ASS1: variants seen among roughly 807,000 people sequenced by gnomAD.
ASS1 encodes argininosuccinate synthase 1.
In ASS1, 58 loss-of-function variants were observed where a neutral mutation model predicts 60.5. The ratio of observed to expected loss-of-function variants is 0.96; its 90% CI spans 0.78 to 1.19. The LOEUF (loss-of-function observed/expected upper bound fraction) is 1.19. Ranked by LOEUF, ASS1 falls within the 50% of genes most tolerant of loss-of-function variation. The probability of loss-of-function intolerance (pLI) is 0.00; values close to 1 mark genes in which losing one functional copy is unlikely to be tolerated. For synonymous variants in ASS1, 200 were observed against 206.9 expected (o/e 0.97, Z 0.29); for missense variants, 454 against 547.3 (o/e 0.83, Z 1.70).
intron 4 of ASS1, among the ~76,000 whole-genome samples, chr9:130,461,363 T>C (rs546636515): frequency 6.8e-6 from 1 of 146,932 alleles, no homozygotes; most frequent in South Asian, 2.2e-4. Context: ...GCCAGAGGCT[T>C]GGGTTTGAGG....
chr9:130,447,933 C>T (rs917673499), intron 1 of ASS1, among the ~76,000 whole-genome samples: 8 of 152,168 alleles, frequency 5.3e-5, no homozygotes, highest in East Asian at 3.9e-4. Context: ...TCCTTACAGT[C>T]GCCCTGTGGG....
intron 7 of ASS1, 104 bp downstream of exon 7, chr9:130,471,008 T>C: frequency 2.2e-6 from 3 of 1,340,896 alleles, no homozygotes; most frequent in Non-Finnish European, 2.1e-6. Flanking sequence ...CAGTGGTCCC[T>C]GCCCTCGGGG....
At chr9:130,474,199 G>A (rs951621664) in intron 8 of ASS1, among the ~76,000 whole-genome samples, 1 of 151,748 alleles carries the variant, frequency 6.6e-6, no homozygotes, top group Non-Finnish European at 1.5e-5. Context: ...GAAGGCAGGC[G>A]CTCGAGCCAC....
rs530711597 is a variant in ASS1 at position 130,476,803 on chromosome 9, G to A, written c.598-68G>A. 336 of 1,426,050 alleles carry A rather than the reference G, an allele frequency of 2.4e-4. No individual in the cohort carries two copies. In the African/African-American group the frequency reaches 3.0e-3, roughly 13 times the overall value. 88.3% of individuals were successfully genotyped at this position (1,426,050 alleles called of 1,614,324 possible). On this transcript the variant is annotated intron_variant, in intron 8 of 14. Transcript: ENST00000352480. The surrounding 1 kb of genome is among the most constrained non-coding windows in gnomAD (Gnocchi z 4.9). ...AGAGGAGAGGGGTGCAGATCCCCGC[G>A]GGAGGTGGGCTGTAGGGTGTCCAGG...
chr9:130,449,736 C>A (rs1845281363), intron 1 of ASS1, among the ~76,000 whole-genome samples: 2 of 152,140 alleles, frequency 1.3e-5, no homozygotes. Context: ...ATGAAGAGAA[C>A]CCCAGATGGA....
rs1194766620 is a variant in ASS1 at position 130,459,165 on chromosome 9, T to G, written c.363+576T>G. Among the ~76,000 whole-genome samples, 1 of 152,186 alleles carries G rather than the reference T, an allele frequency of 6.6e-6. No homozygotes were observed. ...GGTTCTGGAGGCCTGAGGTCCATAG[T>G]GAGGGCATGGGCAGGGCCACGCAGC... On this transcript the variant is annotated intron_variant, in intron 4 of 14. Transcript: ENST00000352480. This position sits in a 1 kb window ranked among gnomAD's most constrained non-coding sequence, Gnocchi z 4.6.
intron 12 of ASS1, among the ~76,000 whole-genome samples, chr9:130,490,557 G>T (rs1031251211): frequency 2.0e-5 from 3 of 152,002 alleles, no homozygotes; most frequent in African/African-American, 7.3e-5. Context: ...CAGGTGATCC[G>T]CCCGTCTTGG....
At chr9:130,480,501 G>C in intron 11 of ASS1, 52 bp downstream of exon 11, 1 of 1,587,092 alleles carries the variant, frequency 6.3e-7, no homozygotes, top group Non-Finnish European at 8.6e-7. Flanking sequence ...AGCAAACCCA[G>C]AGATCCCTGA....
chr9:130,479,601 A>G (rs1343285659), intron 9 of ASS1, 115 bp from the exon 10 acceptor site: 28 of 850,882 alleles, frequency 3.3e-5, no homozygotes, highest in Non-Finnish European at 5.6e-5. Context: ...TTTGGAGTCC[A>G]TATCTGTCAC....
intron 1 of ASS1, among the ~76,000 whole-genome samples, chr9:130,451,320 G>C (rs754574682): frequency 2.0e-5 from 3 of 152,132 alleles, no homozygotes; most frequent in Non-Finnish European, 4.4e-5. Flanking sequence ...GAGAGCCCTC[G>C]TGCCCATCTG....
Position 130,477,109 on chromosome 9 carries a change from C to T in ASS1, c.688+148C>T. The T allele has an allele frequency of 1.2e-6, 1 of 811,948 alleles. No individual in the cohort carries two copies. Among genetic ancestry groups the T allele is most frequent in the Non-Finnish European group, 2.0e-6 (1 of 494,048 alleles). 50.3% of individuals were successfully genotyped at this position (811,948 alleles called of 1,614,324 possible). ...CAGGCAGGGGCTTCAAGGTAACGCA[C>T]AGCCCACCTCCCTGGACAGTACAAC... On this transcript the variant is annotated intron_variant, in intron 9 of 14. Transcript: ENST00000352480. This position sits in a 1 kb window ranked among gnomAD's most constrained non-coding sequence, Gnocchi z 4.2.
At chr9:130,462,237 A>G (rs527517687) in intron 4 of ASS1, among the ~76,000 whole-genome samples, 20 of 152,286 alleles carry the variant, frequency 1.3e-4, no homozygotes, top group Admixed American at 4.6e-4. Context: ...CACCATCTGT[A>G]TGGGTGCCCC....
rs752042210 is a variant in ASS1, at chr9:130,489,381, A to T, written c.887A>T (p.Asp296Val). The T allele has an allele frequency of 3.7e-6, 6 of 1,613,970 alleles. No homozygotes were observed. The highest frequency in any genetic ancestry group is 5.1e-6 in the Non-Finnish European group (6 of 1,180,012). Reference sequence around the variant, plus strand: ...ACCATCCTTTACCATGCTCATTTAGACATCGAGGCCTTCACCATGGACCGG... The same window carrying T: ...ACCATCCTTTACCATGCTCATTTAGTCATCGAGGCCTTCACCATGGACCGG... ...AGTILYHAHL[D>V]IEAFTMDREV... Residue 296 changes from aspartate to valine, a missense_variant, in exon 12 of 15, where the codon GAC becomes GTC. Transcript: ENST00000352480. This position sits in a 1 kb window ranked among gnomAD's most constrained non-coding sequence, Gnocchi z 4.1.
At position 130,494,494 on chromosome 9, in the gene ASS1, C is replaced by T. The variant is rs1384642745; in HGVS notation, c.971-373C>T. Among the ~76,000 whole-genome samples, 2 of 152,242 alleles carry T rather than the reference C, an allele frequency of 1.3e-5. No homozygotes were observed. The highest frequency in any genetic ancestry group is 2.4e-5 in the African/African-American group (1 of 41,468). On this transcript the variant is annotated intron_variant, in intron 12 of 14. Transcript: ENST00000352480. This position sits in a 1 kb window ranked among gnomAD's most constrained non-coding sequence, Gnocchi z 4.3. ...CCTGTCTGAGGTCTTCTGCCTCCCC[C>T]GGAGATTAGAGCCTCCATTGGGCCA...
At position 130,476,517 on chromosome 9, in the gene ASS1, G is replaced by A. The variant is rs535384929; in HGVS notation, c.598-354G>A. The A allele has an allele frequency of 1.4e-5, 6 of 431,686 alleles. No individual in the cohort carries two copies. Among genetic ancestry groups the A allele is most frequent in the East Asian group, 4.9e-5 (1 of 20,384 alleles). The allele number at this position is 431,686 out of a possible 1,614,324, so 26.7% of individuals were successfully genotyped here. ...CAATCCCGAGCCGGCGAGAGCGTGC[G>A]TGCCGCTCCTGGGAAGCCCTCGGAA... On this transcript the variant is annotated intron_variant, in intron 8 of 14. Transcript: ENST00000352480. This position sits in a 1 kb window ranked among gnomAD's most constrained non-coding sequence, Gnocchi z 4.9.
At chr9:130,472,648 C>A (rs1006813211) in intron 8 of ASS1, among the ~76,000 whole-genome samples, 6 of 152,206 alleles carry the variant, frequency 3.9e-5, no homozygotes, top group African/African-American at 1.4e-4. Context: ...CCACCCTTGC[C>A]CCCTGGGGGC....
Position 130,489,352 on chromosome 9 carries a change from A to T in ASS1, c.858A>T (p.Ala286=), listed in dbSNP as rs201905628. 228 of 1,613,468 alleles carry T rather than the reference A, an allele frequency of 1.4e-4. No individual in the cohort carries two copies. Among genetic ancestry groups the T allele is most frequent in the Admixed American group, 8.3e-5 (5 of 59,928 alleles). ...MKSRGIYETP[A]GTILYHAHLD... ...GGCTAGGTATCTACGAGACCCCAGC[A>T]GGCACCATCCTTTACCATGCTCATT... Residue 286 remains alanine (A), a synonymous_variant, in exon 12 of 15, where the codon GCA becomes GCT. Coordinates refer to ENST00000352480, the MANE Select transcript of ASS1 (RefSeq NM_054012.4). The surrounding 1 kb of genome is among the most constrained non-coding windows in gnomAD (Gnocchi z 4.1).
At position 130,464,180 on chromosome 9, in the gene ASS1, T is replaced by G. The variant is rs201883474; in HGVS notation, c.420+13T>G. On this transcript the variant is annotated intron_variant, in intron 5 of 14. Transcript: ENST00000352480. ...CCCCCAGATAAAGGTAGGATGTGGC[T>G]CCTCCCCTTAGCAGGGAGCACTAGC... 2,513 of 1,613,860 alleles carry G rather than the reference T, an allele frequency of 1.6e-3. No homozygotes were observed. Among genetic ancestry groups the G allele is most frequent in the Admixed American group, 2.6e-3 (154 of 60,006 alleles).
intron 12 of ASS1, among the ~76,000 whole-genome samples, chr9:130,493,882 G>A (rs1000381338): frequency 6.6e-6 from 1 of 152,162 alleles, no homozygotes; most frequent in Non-Finnish European, 1.5e-5. Context: ...AGAGGGGAGG[G>A]AGCATGTTTC....
Sources: gnomAD v4.1 joint callset for allele counts (sites outside exome capture counted in the v4.1 genomes callset) on GRCh38, gnomAD v4.1.1 for gene constraint, Gnocchi (gnomAD v3.1) non-coding constraint, MANE v1.5 for transcripts, NCBI Gene and HGNC (gene_info 2026-07-23, HGNC 2026-07-21) for gene names.